The following PCDH15 variants were observed in gnomAD, a reference collection of about 807,000 sequenced individuals.
PCDH15 encodes protocadherin-15.
Under a neutral mutation model 178.5 loss-of-function variants are expected in PCDH15, and 129 were observed. The observed-to-expected ratio is 0.72, with a 90% CI of 0.63 to 0.84. The LOEUF is 0.84. Among genes scored for constraint, PCDH15 ranks in the 40% least tolerant of loss-of-function variants. The pLI, the probability that PCDH15 is intolerant of heterozygous loss-of-function variation, is 0.00. For synonymous variants in PCDH15, 800 were observed against 732.0 expected, an observed-to-expected ratio of 1.09 and a Z score of -1.50; for missense variants, 2,230 against 2,099.9, an observed-to-expected ratio of 1.06 and a Z score of -1.21.
At chr10:54,409,665 C>T (rs1953191584) in intron 3 of PCDH15, among the ~76,000 whole-genome samples, 1 of 152,100 alleles carries the variant, frequency 6.6e-6, no homozygotes, top group Non-Finnish European at 1.5e-5. Context: ...TCTGTTATGA[C>T]TTGCATGTAC....
At chr10:54,721,268 G>A (rs1282171529) in intron 1 of PCDH15, among the ~76,000 whole-genome samples, 5 of 151,794 alleles carry the variant, frequency 3.3e-5, no homozygotes, top group African/African-American at 1.2e-4. Flanking sequence ...AGTGTTAAAT[G>A]TCTACATCAA....
At position 54,757,524 on chromosome 10, in the gene PCDH15, G is replaced by T. The variant is rs1287353738; in HGVS notation, c.-29+43401C>A. Among the ~76,000 whole-genome samples the T allele has an allele frequency of 1.8e-4, 6 of 32,452 alleles. 2 individuals carry two copies. The highest frequency in any genetic ancestry group is 3.6e-4 in the African/African-American group (2 of 5,602). The allele number at this position is 32,452 out of a possible 152,430, so 21.3% of individuals were successfully genotyped here. ...TCTCGATCTCCTGACCTCGTGATCC[G>T]CCCGTCTCGGCCTCCCAAAGTGCTG... On this transcript the variant is annotated intron_variant, in intron 1 of 37. Coordinates refer to ENST00000644397, the MANE Select transcript of PCDH15 (RefSeq NM_001384140.1).
intron 3 of PCDH15, among the ~76,000 whole-genome samples, chr10:54,894,306 G>T (rs375931018): frequency 1.3e-5 from 2 of 152,096 alleles, no homozygotes; most frequent in East Asian, 1.9e-4. Flanking sequence ...CATGATGAGG[G>T]TAAAACACAC....
At chr10:55,094,570 T>C (rs908160344) in intron 2 of PCDH15, among the ~76,000 whole-genome samples, 5 of 152,002 alleles carry the variant, frequency 3.3e-5, no homozygotes, top group Non-Finnish European at 7.4e-5. Context: ...AATTAGGTAG[T>C]ATTGGCAACC....
intron 20 of PCDH15, among the ~76,000 whole-genome samples, chr10:54,004,410 C>T (rs1263169347): frequency 1.4e-5 from 1 of 73,856 alleles, no homozygotes; most frequent in Non-Finnish European, 2.6e-5. Flanking sequence ...CACACACACA[C>T]ACACACACAC....
chr10:53,824,144 TAA>T (rs11349834), intron 32 of PCDH15, among the ~76,000 whole-genome samples: 61 of 150,892 alleles, frequency 4.0e-4, no homozygotes, highest in Middle Eastern at 3.4e-3. Context: ...AGATTGATGC[TAA>T]AAAAAAAAAT....
intron 2 of PCDH15, among the ~76,000 whole-genome samples, chr10:54,535,317 AC>A (rs939705271): frequency 1.3e-5 from 2 of 152,204 alleles, no homozygotes; most frequent in Non-Finnish European, 2.9e-5. Flanking sequence ...TTTAAAAAAA[AC>A]AATTTCTTAT....
At chr10:54,518,377 A>G (rs964640153) in intron 3 of PCDH15, among the ~76,000 whole-genome samples, 3 of 152,074 alleles carry the variant, frequency 2.0e-5, no homozygotes, top group African/African-American at 7.2e-5. Flanking sequence ...GATAAAGGGG[A>G]TATCACCACC....
At chr10:55,373,050 A>T (rs1256542917) in intron 2 of PCDH15, among the ~76,000 whole-genome samples, 1 of 146,356 alleles carries the variant, frequency 6.8e-6, no homozygotes, top group African/African-American at 2.8e-5. Flanking sequence ...GACTGACCTG[A>T]AAGAATTCTT....
At chr10:55,389,985 T>G (rs1837753884) in intron 2 of PCDH15, among the ~76,000 whole-genome samples, 1 of 152,022 alleles carries the variant, frequency 6.6e-6, no homozygotes, top group Admixed American at 6.6e-5. Context: ...TACAGAAAAA[T>G]TAGGAGCAGA....
rs781079416 is a variant in PCDH15 at position 54,922,274 on chromosome 10, C to T, written c.-79-24774G>A. ...TGATCAGAGGCAAGGCAAATCCCTTCCACTTATGGGCCTGTAAAATTCAAA... is the reference window on the plus strand; with the variant it reads ...TGATCAGAGGCAAGGCAAATCCCTTTCACTTATGGGCCTGTAAAATTCAAA... On this transcript the variant is annotated intron_variant, in intron 2 of 5. Transcript: ENST00000458638. Among the ~76,000 whole-genome samples, 14 of 152,206 alleles carry T rather than the reference C, an allele frequency of 9.2e-5. No individual in the cohort carries two copies. The South Asian group carries it at 2.1e-3, about 23-fold the overall frequency.
intron 35 of PCDH15, among the ~76,000 whole-genome samples, chr10:53,815,933 G>A (rs1427799671): frequency 6.6e-6 from 1 of 152,120 alleles, no homozygotes; most frequent in African/African-American, 2.4e-5. Context: ...GATTGATTAA[G>A]ACAAGTAACT....
chr10:55,411,468 G>T (rs1399432848), intron 2 of PCDH15, among the ~76,000 whole-genome samples: 1 of 151,912 alleles, frequency 6.6e-6, no homozygotes, highest in Non-Finnish European at 1.5e-5. Context: ...TACTACTTGG[G>T]TAATAATTAG....
chr10:54,667,452 G>A (rs971433588), intron 1 of PCDH15, among the ~76,000 whole-genome samples: 1 of 152,124 alleles, frequency 6.6e-6, no homozygotes, highest in Non-Finnish European at 1.5e-5. Context: ...ACAGCCTATA[G>A]TGGCACTTCT....
chr10:55,596,777 T>C (rs1458211478), intron 2 of PCDH15, among the ~76,000 whole-genome samples: 1 of 152,168 alleles, frequency 6.6e-6, no homozygotes, highest in Non-Finnish European at 1.5e-5. Context: ...GATGCCATTA[T>C]GTCAAACAAA....
chr10:54,318,894 A>C (rs930512031), intron 7 of PCDH15, among the ~76,000 whole-genome samples: 6 of 152,190 alleles, frequency 3.9e-5, no homozygotes, highest in Non-Finnish European at 8.8e-5. Flanking sequence ...CTCAACTATA[A>C]ATTTCCTCTT....
chr10:54,117,348 GC>G (rs2095133082), intron 15 of PCDH15, among the ~76,000 whole-genome samples: 1 of 152,108 alleles, frequency 6.6e-6, no homozygotes, highest in Non-Finnish European at 1.5e-5. Flanking sequence ...GAATATGGTG[GC>G]TTGTGGAAGC....
chr10:54,487,140 C>A (rs2079169972), intron 3 of PCDH15, among the ~76,000 whole-genome samples: 1 of 151,946 alleles, frequency 6.6e-6, no homozygotes, highest in Non-Finnish European at 1.5e-5. Flanking sequence ...AGGATATATG[C>A]ATAATGGAAT....
rs963429075 is a variant in PCDH15 at position 54,354,705 on chromosome 10, T to C, written c.475-8221A>G. Among the ~76,000 whole-genome samples the C allele has an allele frequency of 2.1e-4, 32 of 152,226 alleles. 1 individual carries two copies. Among genetic ancestry groups the C allele is most frequent in the African/African-American group, 6.3e-4 (26 of 41,522 alleles). ...ATTTCATATTAAAAAATCACTTAAT[T>C]ATACCTAGAAATTGTAAACAAAACA... is the stretch of plus-strand genomic sequence containing the variant. On this transcript the variant is annotated intron_variant, in intron 5 of 37. Transcript: ENST00000644397.
Sources: allele counts gnomAD v4.1 joint callset (sites outside exome capture counted in the v4.1 genomes callset), GRCh38; gene constraint gnomAD v4.1.1; transcripts MANE v1.5; gene names NCBI Gene and HGNC (gene_info 2026-07-23, HGNC 2026-07-21).